Variants in PADI6 observed in about 807,000 individuals in gnomAD.
PADI6 encodes peptidyl arginine deiminase 6.
A neutral mutation model predicts 78.2 loss-of-function variants in PADI6; 66 were observed. The observed-to-expected ratio is 0.84, with a 90% CI of 0.69 to 1.04. PADI6 has a LOEUF of 1.04. PADI6 is among the 50% of genes least tolerant of loss of function. The pLI is 0.00. For synonymous variants in PADI6, 397 were observed against 346.9 expected, an observed-to-expected ratio of 1.14 and a Z score of -1.60; for missense variants, 854 against 866.1, an observed-to-expected ratio of 0.99 and a Z score of 0.18.
At chr1:17,390,471 G>A (rs908680077) in intron 8 of PADI6, among the ~76,000 whole-genome samples, 2 of 151,870 alleles carry the variant, frequency 1.3e-5, no homozygotes, top group Middle Eastern at 3.2e-3. Flanking sequence ...AGGCATGGTG[G>A]TGCACCCCAG....
chr1:17,375,290 C>A (rs2075004111), intron 2 of PADI6, 137 bp from the exon 3 acceptor site: 2 of 759,840 alleles, frequency 2.6e-6, no homozygotes, highest in Non-Finnish European at 4.3e-6. Flanking sequence ...TGGCCCCATA[C>A]CAGCTCATAG....
At chr1:17,379,199 G>A (rs951393643) in intron 3 of PADI6, among the ~76,000 whole-genome samples, 5 of 139,024 alleles carry the variant, frequency 3.6e-5, no homozygotes, top group Non-Finnish European at 6.0e-5. Flanking sequence ...TGCAGGCTCC[G>A]CCCCCTGGGG....
chr1:17,391,633 C>T (rs1232299633), intron 8 of PADI6, among the ~76,000 whole-genome samples: 2 of 152,168 alleles, frequency 1.3e-5, no homozygotes, highest in Non-Finnish European at 2.9e-5. Context: ...GACCCCAGGG[C>T]TCAAGACCCA....
At chr1:17,395,734 A>G (rs114428194) in intron 13 of PADI6, 71 bp downstream of exon 13, 59,287 of 1,522,340 alleles carry the variant, frequency 0.039, 1,326 homozygotes, top group Middle Eastern at 0.076. Flanking sequence ...CTACATAGCC[A>G]TTCTGTCACG....
chr1:17,401,331 T>C lies in PADI6; in HGVS notation c.1978T>C (p.Phe660Leu). 3 of 1,614,072 alleles carry C rather than the reference T, an allele frequency of 1.9e-6. No homozygotes were observed. Among genetic ancestry groups the C allele is most frequent in the Non-Finnish European group, 2.5e-6 (3 of 1,179,900 alleles). The change falls in exon 16 of 16, where the codon TTC becomes CTC. Residue 660 changes from phenylalanine to leucine, a missense_variant. By Grantham distance (22) the Phe-to-Leu change is conservative. Coordinates refer to ENST00000619609, the MANE Select transcript of PADI6 (RefSeq NM_207421.4). ...LLEPLGFKCT[F>L]INDFDCYLTE... ...GGAGCCCCTGGGCTTCAAGTGCACC[T>C]TCATCAATGACTTTGACTGTTACCT...
At chr1:17,374,022 A>G (rs1293405307) in intron 2 of PADI6, among the ~76,000 whole-genome samples, 1 of 152,050 alleles carries the variant, frequency 6.6e-6, no homozygotes, top group African/African-American at 2.4e-5. Context: ...GGTGAGAACC[A>G]CTGGGGAGCT....
chr1:17,380,269 G>T (rs1312531733), intron 4 of PADI6, among the ~76,000 whole-genome samples: 1 of 152,148 alleles, frequency 6.6e-6, no homozygotes, highest in Non-Finnish European at 1.5e-5. Context: ...GAGTGCAGTG[G>T]CATGATCTTA....
At chr1:17,373,741 C>T (rs1390387446) in intron 2 of PADI6, among the ~76,000 whole-genome samples, 1 of 152,166 alleles carries the variant, frequency 6.6e-6, no homozygotes, top group Non-Finnish European at 1.5e-5. Flanking sequence ...ATCTACCTGC[C>T]TCCACCTCCC....
Position 17,373,213 on chromosome 1 carries a change from C to G in PADI6, c.274C>G (p.Pro92Ala), listed in dbSNP as rs1233740679. The G allele has an allele frequency of 2.5e-6, 4 of 1,613,956 alleles. No individual in the cohort carries two copies. Among genetic ancestry groups the G allele is most frequent in the South Asian group, 2.2e-5 (2 of 91,082 alleles). Residue 92 changes from proline (P) to alanine (A), a missense_variant, in exon 2 of 16, where the codon CCT (proline) becomes GCT (alanine). Coordinates refer to ENST00000619609, the MANE Select transcript of PADI6 (RefSeq NM_207421.4). ...CACAGTGAAGATGACATCGCCCAGCCCTTCCGTGGATGCGGATAAGGTAAG... is the reference window on the plus strand; with the variant it reads ...CACAGTGAAGATGACATCGCCCAGCGCTTCCGTGGATGCGGATAAGGTAAG... ...YATVKMTSPS[P>A]SVDADKVSVT...
At chr1:17,376,953 C>T (rs796923905) in intron 3 of PADI6, among the ~76,000 whole-genome samples, 9 of 152,236 alleles carry the variant, frequency 5.9e-5, no homozygotes, top group African/African-American at 2.2e-4. Flanking sequence ...GAGACACGAT[C>T]ATGGCTCATT....
At chr1:17,385,189 A>T (rs1022224358) in intron 6 of PADI6, among the ~76,000 whole-genome samples, 8 of 131,750 alleles carry the variant, frequency 6.1e-5, no homozygotes, top group African/African-American at 2.2e-4. Flanking sequence ...GAATGAGACG[A>T]TAGTGTTTGA....
Position 17,393,993 on chromosome 1 carries a change from T to C in PADI6, c.1093T>C (p.Tyr365His). Residue 365 changes from tyrosine (Y) to histidine (H), a missense_variant, in exon 10 of 16, where the codon TAC (tyrosine) becomes CAC (histidine). Tyr to His is a moderately conservative substitution (Grantham distance 83). Coordinates refer to ENST00000619609, the MANE Select transcript of PADI6 (RefSeq NM_207421.4). ...ATTCCAGGATGAGATGGCCTTCTGC[T>C]ACACCCAGGCTCCCCACAAGACAAC... ...RWLQDEMAFC[Y>H]TQAPHKTTSL... The C allele has an allele frequency of 6.2e-7, 1 of 1,613,856 alleles. No individual in the cohort carries two copies. Among genetic ancestry groups the C allele is most frequent in the Non-Finnish European group, 8.5e-7 (1 of 1,179,834 alleles).
At position 17,380,200 on chromosome 1, in the gene PADI6, TTTTG is replaced by T. The variant is rs761896241; in HGVS notation, c.435+225_435+228del. Among the ~76,000 whole-genome samples, 28 of 152,294 alleles carry T rather than the reference TTTTG, an allele frequency of 1.8e-4. No individual in the cohort carries two copies. In the East Asian group the frequency reaches 2.1e-3, roughly 12 times the overall value. On this transcript the variant is annotated intron_variant, in intron 4 of 15. Transcript: ENST00000619609. ...TTTTGTGGGGTATTTTTTTGTTTTTTTTTGTTTGTTTGTTTTTGATGTTGTTTTT... is the reference window on the plus strand; with the variant it reads ...TTTTGTGGGGTATTTTTTTGTTTTTTTTTGTTTGTTTTTGATGTTGTTTTT...
At position 17,393,517 on chromosome 1, in the gene PADI6, A is replaced by G. The variant is rs535027016; in HGVS notation, c.1075-458A>G. Among the ~76,000 whole-genome samples, 4 of 152,322 alleles carry G rather than the reference A, an allele frequency of 2.6e-5. No homozygotes were observed. In the East Asian group the frequency reaches 7.7e-4, roughly 29 times the overall value. On this transcript the variant is annotated intron_variant, in intron 9 of 15. Coordinates refer to ENST00000619609, the MANE Select transcript of PADI6 (RefSeq NM_207421.4). The stretch of plus-strand genomic sequence containing the variant: ...ATTCTTTACGAAAGAAGAAAGGAAG[A>G]ATCTGGATGCTCAAGTCTTTTTCGC...
intron 5 of PADI6, 85 bp downstream of exon 5, chr1:17,381,249 T>C: frequency 1.8e-6 from 2 of 1,107,502 alleles, no homozygotes; most frequent in Non-Finnish European, 2.6e-6. Flanking sequence ...ACTAATTTTC[T>C]CCACCCCACC....
intron 2 of PADI6, among the ~76,000 whole-genome samples, chr1:17,374,751 C>T (rs2074999007): frequency 1.3e-5 from 2 of 152,172 alleles, no homozygotes; most frequent in Non-Finnish European, 2.9e-5. Flanking sequence ...CAACAAAGAA[C>T]CTTGAACTTA....
In PADI6 at chr1:17,388,370, T is replaced by C. The variant is rs1557603298; in HGVS notation, c.680-11T>C. Reference sequence around the variant, plus strand: ...CTTCAGTGGCTGGTCCATCCCTTCTTTCTCTCCTAGAAGACAACTCCAGTA... The same window carrying C: ...CTTCAGTGGCTGGTCCATCCCTTCTCTCTCTCCTAGAAGACAACTCCAGTA... On this transcript the variant is annotated splice_polypyrimidine_tract_variant and intron_variant, in intron 6 of 15. Transcript: ENST00000619609. 5.0e-6 allele frequency: 8 copies of C among 1,601,112 alleles called. No individual in the cohort carries two copies. Among genetic ancestry groups the C allele is most frequent in the Non-Finnish European group, 6.8e-6 (8 of 1,173,034 alleles).
chr1:17,395,200 T>A (rs1444804756), intron 12 of PADI6, 93 bp downstream of exon 12: 94 of 54,098 alleles, frequency 1.7e-3, no homozygotes, highest in Non-Finnish European at 2.4e-3. Flanking sequence ...CTTTTTCTTG[T>A]TTTTTTTTTT....
At chr1:17,383,741 G>A (rs1297322622) in intron 6 of PADI6, among the ~76,000 whole-genome samples, 1 of 152,078 alleles carries the variant, frequency 6.6e-6, no homozygotes, top group African/African-American at 2.4e-5. Flanking sequence ...TCAGGAGGCT[G>A]AGGCAGGAGA....
Sources: gnomAD v4.1 joint callset for allele counts (sites outside exome capture counted in the v4.1 genomes callset) on GRCh38, gnomAD v4.1.1 for gene constraint, MANE v1.5 for transcripts, NCBI Gene and HGNC (gene_info 2026-07-23, HGNC 2026-07-21) for gene names.